Variants in JRK observed in about 807,000 individuals in gnomAD.
JRK encodes the protein jerky protein homolog.
For synonymous variants in JRK, 303 were observed against 218.1 expected (o/e 1.39, Z -3.43); for missense variants, 720 against 509.2 (o/e 1.41, Z -3.98).
At position 142,665,372 on chromosome 8, in the gene JRK, C is replaced by T. The variant is rs1554635664; in HGVS notation, c.687G>A (p.Arg229=). The T allele has an allele frequency of 2.8e-6, 2 of 717,634 alleles. No individual in the cohort carries two copies. The highest frequency in any genetic ancestry group is 4.0e-5 in the Admixed American group (2 of 50,024). 44.5% of individuals were successfully genotyped at this position (717,634 alleles called of 1,614,324 possible). A position where few individuals can be genotyped will look rare whatever the true frequency, so the allele number is the denominator to read the frequency against. ...ACTTCCCGATGGCCAAGGGCTTGAG[C>T]CTGTGGGAGCCCGTGGCGTTGGCAC... is the stretch of plus-strand genomic sequence containing the variant. ...LMCANATGSH[R]LKPLAIGKCS... Residue 229 remains arginine, a synonymous_variant, in exon 2 of 2, where the codon AGG becomes AGA. Coordinates refer to ENST00000612905, the MANE Select transcript of JRK (RefSeq NM_003724.4).
chr8:142,666,962 C>T (rs1037622778), intron 1 of JRK, among the ~76,000 whole-genome samples: 8 of 152,156 alleles, frequency 5.3e-5, no homozygotes, highest in Non-Finnish European at 1.0e-4. Flanking sequence ...TCCCTTATTC[C>T]TCCCTGAGGA....
chr8:142,663,415 T>A lies in JRK; in HGVS notation c.*937A>T, dbSNP rs587598113. The A allele has an allele frequency of 2.0e-6, 2 of 985,480 alleles. No homozygotes were observed. Among genetic ancestry groups the A allele is most frequent in the South Asian group, 9.4e-5 (2 of 21,292 alleles). The allele number at this position is 985,480 out of a possible 1,614,324, so 61.0% of individuals were successfully genotyped here. On this transcript the variant is annotated 3_prime_UTR_variant, in exon 2 of 2. Transcript: ENST00000612905. ...CTGGGGATAAGAGCACACATACTGC[T>A]AGAAATCTAAGCAGCCTGTTTTACT... is the stretch of plus-strand genomic sequence containing the variant.
Position 142,665,297 on chromosome 8 carries a change from A to G in JRK, c.762T>C (p.Tyr254=). 1 of 717,786 alleles carries G rather than the reference A, an allele frequency of 1.4e-6. No individual in the cohort carries two copies. Among genetic ancestry groups the G allele is most frequent in the Non-Finnish European group, 2.6e-6 (1 of 385,090 alleles). 44.5% of individuals were successfully genotyped at this position (717,786 alleles called of 1,614,324 possible). A position where few individuals can be genotyped will look rare whatever the true frequency, so the allele number is the denominator to read the frequency against. The part of the protein sequence containing the change: ...FKGIQHLPVA[Y]KAQGNAWVDK... Reference sequence around the variant, plus strand: ...CCACCCAGGCGTTCCCCTGGGCCTTATAGGCGACGGGCAGGTGCTGGATGC... The same window carrying G: ...CCACCCAGGCGTTCCCCTGGGCCTTGTAGGCGACGGGCAGGTGCTGGATGC... The change falls in exon 2 of 2, where the codon TAT becomes TAC. Residue 254 remains tyrosine, a synonymous_variant. Transcript: ENST00000612905.
Position 142,663,951 on chromosome 8 carries a change from G to A in JRK, c.*401C>T, listed in dbSNP as rs935204413. 7.9e-6 allele frequency: 8 copies of A among 1,007,348 alleles called. No homozygotes were observed. Among genetic ancestry groups the A allele is most frequent in the African/African-American group, 6.9e-5 (4 of 58,194 alleles). 62.4% of individuals were successfully genotyped at this position (1,007,348 alleles called of 1,614,324 possible). ...GGGGCGGTGGGCATGGCCTCCTGTC[G>A]GCCTGGAGGGCAACTTCTCTCCACG... On this transcript the variant is annotated 3_prime_UTR_variant, in exon 2 of 2. Transcript: ENST00000612905.
the JRK span, among the ~76,000 whole-genome samples, chr8:142,649,311 C>T: frequency 4.6e-5 from 7 of 152,232 alleles, no homozygotes; most frequent in East Asian, 1.9e-4. Context: ...TTGGCTGTGT[C>T]CCCACCCAAA....
chr8:142,669,059 G>A (rs1308620718), intron 1 of JRK, among the ~76,000 whole-genome samples: 2 of 152,088 alleles, frequency 1.3e-5, no homozygotes, highest in African/African-American at 4.8e-5. Flanking sequence ...GACAAGAAAC[G>A]GGAGGCCTGA....
Position 142,663,774 on chromosome 8 carries a change from T to C in JRK, c.*578A>G, listed in dbSNP as rs1846991584. On this transcript the variant is annotated 3_prime_UTR_variant, in exon 2 of 2. Transcript: ENST00000612905. ...CTGCTGAATGAGGCCACAACTGAAG[T>C]GAGATGTGCGGCCTGTTCAGCCGCT... is the stretch of plus-strand genomic sequence containing the variant. 1.0e-6 allele frequency: 1 copy of C among 985,252 alleles called. No individual in the cohort carries two copies. Among genetic ancestry groups the C allele is most frequent in the Non-Finnish European group, 1.2e-6 (1 of 829,930 alleles). The allele number at this position is 985,252 out of a possible 1,614,324, so 61.0% of individuals were successfully genotyped here. A position where few individuals can be genotyped will look rare whatever the true frequency, so the allele number is the denominator to read the frequency against.
At position 142,665,965 on chromosome 8, in the gene JRK, G is replaced by A. The variant is rs587707320; in HGVS notation, c.94C>T (p.Leu32=). Residue 32 remains leucine (L), a synonymous_variant, in exon 2 of 2, where the codon CTG becomes TTG. Coordinates refer to ENST00000612905, the MANE Select transcript of JRK (RefSeq NM_003724.4). ...LKEKIDICTR[L]EKGESRKALM... ...GCCTTCCGGCTCTCGCCCTTCTCCA[G>A]GCGCGTGCAGATGTCAATCTTCTCC... is the stretch of plus-strand genomic sequence containing the variant. 25 of 1,031,188 alleles carry A rather than the reference G, an allele frequency of 2.4e-5. No homozygotes were observed. The East Asian group carries it at 4.7e-4, about 20-fold the overall frequency. The allele number at this position is 1,031,188 out of a possible 1,614,324, so 63.9% of individuals were successfully genotyped here.
chr8:142,663,555 A>G lies in JRK; in HGVS notation c.*797T>C. The G allele has an allele frequency of 4.1e-6, 4 of 985,500 alleles. No homozygotes were observed. The highest frequency in any genetic ancestry group is 4.8e-6 in the Non-Finnish European group (4 of 829,946). 61.0% of individuals were successfully genotyped at this position (985,500 alleles called of 1,614,324 possible). A position where few individuals can be genotyped will look rare whatever the true frequency, so the allele number is the denominator to read the frequency against. On this transcript the variant is annotated 3_prime_UTR_variant, in exon 2 of 2. Coordinates refer to ENST00000612905, the MANE Select transcript of JRK (RefSeq NM_003724.4). ...GGGCAACATGGTACATTGGACTCTG[A>G]GCCAAAATGCCAAAATACCACACAG...
Position 142,660,972 on chromosome 8 carries a change from G to A in JRK, c.*3380C>T. Reference sequence around the variant, plus strand: ...AGCGAGCTGGGGAAGCCGTGGGCAGGGGCTGCGACTTCCTTTCTTCCAATC... The same window carrying A: ...AGCGAGCTGGGGAAGCCGTGGGCAGAGGCTGCGACTTCCTTTCTTCCAATC... On this transcript the variant is annotated 3_prime_UTR_variant, in exon 2 of 2. Coordinates refer to ENST00000612905, the MANE Select transcript of JRK (RefSeq NM_003724.4). 1 of 985,418 alleles carries A rather than the reference G, an allele frequency of 1.0e-6. No homozygotes were observed. The highest frequency in any genetic ancestry group is 1.7e-5 in the African/African-American group (1 of 57,322). 61.0% of individuals were successfully genotyped at this position (985,418 alleles called of 1,614,324 possible).
At chr8:142,669,199 T>TGTGTGTGTGTGC (rs1357904924) in intron 1 of JRK, among the ~76,000 whole-genome samples, 4 of 61,596 alleles carry the variant, frequency 6.5e-5, no homozygotes, top group East Asian at 1.2e-3. Flanking sequence ...TGTGTGTGTG[T>TGTGTGTGTGTGC]GCGTGTGTGT....
the JRK span, among the ~76,000 whole-genome samples, chr8:142,651,939 C>G: frequency 6.6e-6 from 1 of 152,024 alleles, no homozygotes; most frequent in Non-Finnish European, 1.5e-5. Flanking sequence ...AAGGAGTTAC[C>G]TGCCTCCCAT....
At chr8:142,654,200 T>C (rs1846710669), downstream of JRK, among the ~76,000 whole-genome samples, 1 of 152,086 alleles carries the variant, frequency 6.6e-6, no homozygotes, top group Non-Finnish European at 1.5e-5. Context: ...CACCCCCACA[T>C]GGTGTCCATG....
Position 142,665,569 on chromosome 8 carries a change from G to A in JRK, c.490C>T (p.Gln164Ter). Residue 164 changes from glutamine (Q) to a stop codon, truncating the protein, a stop_gained, in exon 2 of 2, where the codon CAG (glutamine) becomes TAG (stop). Transcript: ENST00000612905. LOFTEE classifies it low-confidence loss of function (END_TRUNC). The stretch of plus-strand genomic sequence containing the variant: ...AAGCTCCTGAAAAACGCACAGAACT[G>A]CTCCGCGGCCTGGTGGTCGGCTGAC... ...KQSADHQAAE[Q>*]FCAFFRSLAA... The A allele has an allele frequency of 2.8e-6, 2 of 718,508 alleles. No individual in the cohort carries two copies. Among genetic ancestry groups the A allele is most frequent in the Non-Finnish European group, 5.2e-6 (2 of 385,104 alleles). 44.5% of individuals were successfully genotyped at this position (718,508 alleles called of 1,614,324 possible).
At chr8:142,646,048 AC>A in the JRK span, among the ~76,000 whole-genome samples, 3 of 152,284 alleles carry the variant, frequency 2.0e-5, no homozygotes, top group South Asian at 6.2e-4. Context: ...ATTGGAAAAT[AC>A]CCAAATAATG....
chr8:142,647,240 T>C, the JRK span, among the ~76,000 whole-genome samples: 1 of 152,144 alleles, frequency 6.6e-6, no homozygotes, highest in Admixed American at 6.5e-5. Flanking sequence ...CTAAACCATA[T>C]GATGCTTTTA....
At chr8:142,650,820 G>A in the JRK span, among the ~76,000 whole-genome samples, 2 of 152,084 alleles carry the variant, frequency 1.3e-5, no homozygotes, top group Non-Finnish European at 2.9e-5. Flanking sequence ...AAAAACAAGG[G>A]TAGTCTCTGT....
rs1441578678 is a variant in JRK, at chr8:142,661,188, C to A, written c.*3164G>T. On this transcript the variant is annotated 3_prime_UTR_variant, in exon 2 of 2. Transcript: ENST00000612905. ...ACCCTCCTATGCAGGAGACAGACAA[C>A]TTCCAGGACAGCGTGCCTGGGGTGC... 1.0e-6 allele frequency: 1 copy of A among 985,426 alleles called. No homozygotes were observed. The highest frequency in any genetic ancestry group is 1.2e-6 in the Non-Finnish European group (1 of 830,010). The allele number at this position is 985,426 out of a possible 1,614,324, so 61.0% of individuals were successfully genotyped here. A position where few individuals can be genotyped will look rare whatever the true frequency, so the allele number is the denominator to read the frequency against.
In JRK at chr8:142,662,947, G is replaced by A. The variant is rs868930771; in HGVS notation, c.*1405C>T. The A allele has an allele frequency of 2.4e-6, 2 of 826,148 alleles. No homozygotes were observed. Among genetic ancestry groups the A allele is most frequent in the African/African-American group, 3.7e-5 (2 of 53,964 alleles). The allele number at this position is 826,148 out of a possible 1,614,324, so 51.2% of individuals were successfully genotyped here. A position where few individuals can be genotyped will look rare whatever the true frequency, so the allele number is the denominator to read the frequency against. On this transcript the variant is annotated 3_prime_UTR_variant, in exon 2 of 2. Transcript: ENST00000612905. ...GGATGAGGAAGGAGGATCGCTTGAG[G>A]CCAAGAGTTCAAGACCAGCCTGGGC...
Sources: allele counts gnomAD v4.1 joint callset (sites outside exome capture counted in the v4.1 genomes callset), GRCh38; gene constraint gnomAD v4.1.1; transcripts MANE v1.5; gene names NCBI Gene and HGNC (gene_info 2026-07-23, HGNC 2026-07-21).